TBCK: variants seen among roughly 807,000 people sequenced by gnomAD.
TBCK encodes the protein TBC1 domain containing kinase.
Under a neutral mutation model 113.4 loss-of-function variants are expected in TBCK, and 99 were observed. The ratio of observed to expected loss-of-function variants is 0.87; its 90% CI spans 0.74 to 1.03. The LOEUF is 1.03. Ranked by LOEUF, TBCK falls within the 50% of genes least tolerant of loss-of-function variation. The probability of loss-of-function intolerance (pLI) is 0.00; values close to 1 mark genes in which losing one functional copy is unlikely to be tolerated. For synonymous variants in TBCK, 369 were observed against 370.8 expected, an observed-to-expected ratio of 1.00 and a Z score of 0.05; for missense variants, 1,045 against 1,061.3, an observed-to-expected ratio of 0.98 and a Z score of 0.21.
intron 20 of TBCK, among the ~76,000 whole-genome samples, chr4:106,200,409 G>A (rs1346240096): frequency 3.3e-5 from 5 of 152,180 alleles, no homozygotes; most frequent in South Asian, 2.1e-4. Context: ...GTCTGGTGGC[G>A]CATGCCTGTG....
chr4:106,210,755 G>A (rs1313860474), intron 20 of TBCK, among the ~76,000 whole-genome samples: 3 of 152,110 alleles, frequency 2.0e-5, no homozygotes, highest in Non-Finnish European at 4.4e-5. Context: ...GTGGAAAAGT[G>A]CTTGGTACAC....
At chr4:106,071,905 G>T (rs1737507385) in intron 25 of TBCK, among the ~76,000 whole-genome samples, 1 of 152,050 alleles carries the variant, frequency 6.6e-6, no homozygotes, top group Non-Finnish European at 1.5e-5. Context: ...TTTTATCAGA[G>T]ACTAGGATTG....
At chr4:106,264,026 G>C (rs1480660345) in intron 3 of TBCK, among the ~76,000 whole-genome samples, 1 of 151,894 alleles carries the variant, frequency 6.6e-6, no homozygotes, top group Non-Finnish European at 1.5e-5. Context: ...TCTGGTGGTA[G>C]ACTTTTACTT....
chr4:106,177,808 G>A (rs1380698627), intron 22 of TBCK, among the ~76,000 whole-genome samples: 3 of 151,758 alleles, frequency 2.0e-5, no homozygotes, highest in African/African-American at 7.3e-5. Flanking sequence ...TTTGCTACTT[G>A]GGGTCTTCTG....
chr4:106,055,001 A>G (rs1735221038), intron 25 of TBCK, among the ~76,000 whole-genome samples: 1 of 151,780 alleles, frequency 6.6e-6, no homozygotes, highest in South Asian at 2.1e-4. Context: ...AACTATAGAA[A>G]TAATAAATGC....
intron 6 of TBCK, chr4:106,251,099 G>A (rs1761375949): frequency 5.4e-6 from 2 of 372,018 alleles, no homozygotes; most frequent in Admixed American, 2.9e-5. Flanking sequence ...TATGAGTTGA[G>A]CAATGATTGT....
At chr4:106,227,321 AT>A (rs1240034937) in intron 19 of TBCK, among the ~76,000 whole-genome samples, 2 of 151,592 alleles carry the variant, frequency 1.3e-5, no homozygotes, top group African/African-American at 4.9e-5. Flanking sequence ...AGTTTTAATT[AT>A]TTTTCTCTAT....
At chr4:106,285,238 T>A (rs901723475) in intron 3 of TBCK, among the ~76,000 whole-genome samples, 1 of 152,070 alleles carries the variant, frequency 6.6e-6, no homozygotes, top group Admixed American at 6.6e-5. Flanking sequence ...ACAAATAACA[T>A]TAGTCTATAA....
chr4:106,103,908 G>T (rs1350777666), intron 24 of TBCK, among the ~76,000 whole-genome samples: 2 of 152,178 alleles, frequency 1.3e-5, no homozygotes, highest in African/African-American at 2.4e-5. Flanking sequence ...GGAACCAGGG[G>T]ATACTCCCCC....
chr4:106,250,526 T>C (rs371730965), intron 6 of TBCK, 48 bp from the exon 7 acceptor site: 1 of 1,129,398 alleles, frequency 8.9e-7, no homozygotes. Context: ...ACATGTTTTT[T>C]CTAGGAAGGC....
intron 23 of TBCK, among the ~76,000 whole-genome samples, chr4:106,159,585 C>T (rs1463787497): frequency 1.3e-5 from 2 of 151,912 alleles, no homozygotes; most frequent in African/African-American, 4.8e-5. Flanking sequence ...AGGTGAAAGA[C>T]TTGTGCAATG....
At chr4:106,220,629 T>G (rs1757569964) in intron 19 of TBCK, among the ~76,000 whole-genome samples, 1 of 152,022 alleles carries the variant, frequency 6.6e-6, no homozygotes, top group Non-Finnish European at 1.5e-5. Context: ...AAAAAGATAC[T>G]CAAGTAATAC....
At chr4:106,204,751 AT>A (rs34775295) in intron 20 of TBCK, among the ~76,000 whole-genome samples, 7,759 of 87,180 alleles carry the variant, frequency 0.089, 117 homozygotes, top group African/African-American at 0.14. Flanking sequence ...ACAAACAATG[AT>A]TTTTTTTTTT....
intron 24 of TBCK, among the ~76,000 whole-genome samples, chr4:106,110,778 A>G (rs1310202632): frequency 1.3e-5 from 2 of 152,074 alleles, no homozygotes; most frequent in African/African-American, 4.8e-5. Context: ...ACTGTCACCT[A>G]CCTTACTGCC....
intron 3 of TBCK, among the ~76,000 whole-genome samples, chr4:106,273,311 AC>A (rs1217086691): frequency 3.3e-5 from 5 of 152,222 alleles, no homozygotes; most frequent in Non-Finnish European, 7.3e-5. Flanking sequence ...CACAGCAATG[AC>A]TTTGAAACAA....
chr4:106,120,014 A>G (rs1578955955), intron 23 of TBCK, among the ~76,000 whole-genome samples: 2 of 152,186 alleles, frequency 1.3e-5, no homozygotes, highest in African/African-American at 4.8e-5. Flanking sequence ...AGCCTGAGCG[A>G]CGCAGAAGAT....
intron 3 of TBCK, among the ~76,000 whole-genome samples, chr4:106,288,276 C>A (rs1000999867): frequency 2.0e-5 from 3 of 152,072 alleles, no homozygotes; most frequent in African/African-American, 7.2e-5. Flanking sequence ...TGCCTGTAGT[C>A]CCAGCTACTC....
intron 18 of TBCK, 114 bp from the exon 19 acceptor site, chr4:106,230,560 G>A (rs890462996): frequency 2.5e-5 from 12 of 477,438 alleles, no homozygotes; most frequent in Non-Finnish European, 4.0e-5. Flanking sequence ...TAACAGTTAT[G>A]ATAGCCAAGT....
chr4:106,295,983 CA>C (rs1241575577), intron 2 of TBCK, among the ~76,000 whole-genome samples: 1 of 151,954 alleles, frequency 6.6e-6, no homozygotes, highest in Non-Finnish European at 1.5e-5. Flanking sequence ...GTGTGCAGTC[CA>C]AACCCATGTT....
Sources: gnomAD v4.1 joint callset for allele counts (sites outside exome capture counted in the v4.1 genomes callset) on GRCh38, gnomAD v4.1.1 for gene constraint, MANE v1.5 for transcripts, NCBI Gene and HGNC (gene_info 2026-07-23, HGNC 2026-07-21) for gene names.